The following CCDC69 variants were observed in gnomAD, a reference collection of about 807,000 sequenced individuals.
CCDC69 encodes coiled-coil domain-containing protein 69.
A neutral mutation model predicts 40.3 loss-of-function variants in CCDC69; 38 were observed. The observed-to-expected ratio is 0.94, with a 90% CI of 0.73 to 1.24. The LOEUF is 1.24. Ranked by LOEUF, CCDC69 falls within the 50% of genes most tolerant of loss-of-function variation. The pLI is 0.00. For missense variants in CCDC69, 389 were observed against 357.9 expected (o/e 1.09, Z -0.70); for synonymous variants, 141 against 138.9 (o/e 1.02, Z -0.11).
intron 4 of CCDC69, among the ~76,000 whole-genome samples, chr5:151,194,873 C>T (rs1190205638): frequency 8.5e-6 from 1 of 117,310 alleles, no homozygotes; most frequent in Non-Finnish European, 1.6e-5. Context: ...GCCTGGGTGA[C>T]AGGGCGAGCC....
Position 151,223,911 on chromosome 5 carries a change from G to A in CCDC69, c.48+12C>T, listed in dbSNP as rs773666576. ...TCCTCTGAAAGCAAACTTCTCCGCC[G>A]GCGCCCTTTACCTTTTTCGGGGGTT... On this transcript the variant is annotated intron_variant, in intron 1 of 8. Transcript: ENST00000355417. 36 of 1,588,076 alleles carry A rather than the reference G, an allele frequency of 2.3e-5. No homozygotes were observed. The highest frequency in any genetic ancestry group is 2.8e-5 in the Non-Finnish European group (33 of 1,169,032).
At chr5:151,190,116 GGAAACTT>G (rs1299777443) in intron 4 of CCDC69, among the ~76,000 whole-genome samples, 4 of 152,250 alleles carry the variant, frequency 2.6e-5, no homozygotes, top group East Asian at 3.9e-4. Flanking sequence ...GAAACCAGAG[GGAAACTT>G]GAAACTTGAA....
chr5:151,217,682 T>C (rs967546644), intron 1 of CCDC69, among the ~76,000 whole-genome samples: 3 of 152,210 alleles, frequency 2.0e-5, no homozygotes, highest in African/African-American at 4.8e-5. Context: ...CTTCATTCCC[T>C]GCTCTTCTCC....
At chr5:151,211,690 A>C (rs1009533549) in intron 1 of CCDC69, among the ~76,000 whole-genome samples, 1 of 151,808 alleles carries the variant, frequency 6.6e-6, no homozygotes, top group African/African-American at 2.4e-5. Context: ...CACCAGGCTA[A>C]TTTTTGTATT....
Position 151,205,399 on chromosome 5 carries a change from C to T in CCDC69, c.124+1G>A, listed in dbSNP as rs1429621259. ...GGGCCTTTGTGGGGCTGGCTACTCA[C>T]CTGTGTCCCCATTGAGGGGACCTAA... is the stretch of plus-strand genomic sequence containing the variant. On this transcript the variant is annotated splice_donor_variant, in intron 2 of 8. Transcript: ENST00000355417. LOFTEE classifies it high-confidence loss of function. 6.2e-7 allele frequency: 1 copy of T among 1,613,252 alleles called. No individual in the cohort carries two copies. Among genetic ancestry groups the T allele is most frequent in the Non-Finnish European group, 8.5e-7 (1 of 1,179,196 alleles).
In CCDC69 at chr5:151,185,497, G is replaced by A; in HGVS notation, c.540C>T (p.Ser180=). ...PSQFWEQELE[S]LHFVIEMKNE... is the part of the protein sequence containing the mutation. ...TCTTCATCTCGATGACAAAGTGTAA[G>A]CTCTCCAGCTCCTGCTCCCAGAACT... The change falls in exon 7 of 9, where the codon AGC becomes AGT. Residue 180 remains serine, a synonymous_variant. Coordinates refer to ENST00000355417, the MANE Select transcript of CCDC69 (RefSeq NM_015621.3). 6.2e-7 allele frequency: 1 copy of A among 1,614,018 alleles called. No individual in the cohort carries two copies. The highest frequency in any genetic ancestry group is 8.5e-7 in the Non-Finnish European group (1 of 1,179,926).
chr5:151,186,148 A>G, intron 5 of CCDC69, 24 bp from the exon 6 acceptor site: 4 of 1,516,068 alleles, frequency 2.6e-6, no homozygotes, highest in Non-Finnish European at 2.8e-6. Context: ...TGGGATGGAG[A>G]CAATCAAAGC....
intron 1 of CCDC69, among the ~76,000 whole-genome samples, chr5:151,209,879 C>T (rs1752905686): frequency 6.6e-6 from 1 of 152,144 alleles, no homozygotes; most frequent in Non-Finnish European, 1.5e-5. Flanking sequence ...GGTACCCAGC[C>T]TCAATTTCTT....
At chr5:151,193,507 T>A (rs1359900164) in intron 4 of CCDC69, among the ~76,000 whole-genome samples, 3 of 150,362 alleles carry the variant, frequency 2.0e-5, no homozygotes, top group Non-Finnish European at 4.4e-5. Flanking sequence ...CAGAGTGACA[T>A]CCTGTTGGAA....
At chr5:151,223,830 C>A in intron 1 of CCDC69, 93 bp downstream of exon 1, 5 of 1,306,580 alleles carry the variant, frequency 3.8e-6, no homozygotes, top group African/African-American at 1.5e-5. Flanking sequence ...CCGGGCCGAC[C>A]AGAGAGAGCC....
chr5:151,183,233 G>A lies in CCDC69; in HGVS notation c.*204C>T, dbSNP rs776197630. On this transcript the variant is annotated 3_prime_UTR_variant, in exon 9 of 9. Transcript: ENST00000355417. ...TCCCTTGGCCAACTCAAGGGAAGAC[G>A]CTTCTCGGGGCCTCCAAAACCCTGT... is the stretch of plus-strand genomic sequence containing the variant. 15 of 706,622 alleles carry A rather than the reference G, an allele frequency of 2.1e-5. No homozygotes were observed. The highest frequency in any genetic ancestry group is 7.5e-5 in the South Asian group (5 of 66,844). 43.8% of individuals were successfully genotyped at this position (706,622 alleles called of 1,614,324 possible). A position where few individuals can be genotyped will look rare whatever the true frequency, so the allele number is the denominator to read the frequency against.
intron 3 of CCDC69, 109 bp from the exon 4 acceptor site, chr5:151,199,193 T>C: frequency 1.2e-6 from 1 of 838,362 alleles, no homozygotes; most frequent in Non-Finnish European, 2.0e-6. Flanking sequence ...GTCCTAACCC[T>C]TCCTCTGAGG....
intron 5 of CCDC69, 80 bp from the exon 6 acceptor site, chr5:151,186,204 A>G: frequency 1.0e-6 from 1 of 980,220 alleles, no homozygotes; most frequent in Admixed American, 1.7e-5. Context: ...TCCCAGAGGG[A>G]GAACGGTTTT....
intron 1 of CCDC69, 26 bp downstream of exon 1, chr5:151,223,894 AAGC>A: frequency 6.3e-7 from 1 of 1,589,676 alleles, no homozygotes; most frequent in Non-Finnish European, 8.6e-7. Context: ...TCTCCTCTGA[AAGC>A]AAACTTCTCC....
intron 2 of CCDC69, among the ~76,000 whole-genome samples, chr5:151,201,991 T>A (rs1276343884): frequency 1.3e-5 from 2 of 151,976 alleles, no homozygotes; most frequent in Non-Finnish European, 2.9e-5. Context: ...GACTTGGAGA[T>A]CCTCTTTCAA....
chr5:151,200,897 CTT>C (rs1752766432), intron 3 of CCDC69, among the ~76,000 whole-genome samples: 1 of 152,212 alleles, frequency 6.6e-6, no homozygotes, highest in African/African-American at 2.4e-5. Context: ...GCACTGTAAA[CTT>C]TTCATAGCAC....
In CCDC69 at chr5:151,182,564, C is replaced by T. The variant is rs984233505; in HGVS notation, c.*873G>A. The T allele has an allele frequency of 5.5e-5, 9 of 162,872 alleles. No homozygotes were observed. The highest frequency in any genetic ancestry group is 1.1e-4 in the Admixed American group (2 of 17,674). The allele number at this position is 162,872 out of a possible 1,614,324, so 10.1% of individuals were successfully genotyped here. A position where few individuals can be genotyped will look rare whatever the true frequency, so the allele number is the denominator to read the frequency against. Reference sequence around the variant, plus strand: ...CCGGATGACAGATGAGATCTAGATTCGACTCTGGGAACTGCTCCATGCCTT... The same window carrying T: ...CCGGATGACAGATGAGATCTAGATTTGACTCTGGGAACTGCTCCATGCCTT... On this transcript the variant is annotated 3_prime_UTR_variant, in exon 9 of 9. Transcript: ENST00000355417.
At position 151,218,909 on chromosome 5, in the gene CCDC69, A is replaced by G. The variant is rs572466483; in HGVS notation, c.48+5014T>C. Among the ~76,000 whole-genome samples, 63 of 152,268 alleles carry G rather than the reference A, an allele frequency of 4.1e-4. 1 individual carries two copies. The highest frequency in any genetic ancestry group is 3.9e-3 in the Admixed American group (59 of 15,296). On this transcript the variant is annotated intron_variant, in intron 1 of 8. Transcript: ENST00000355417. ...CATGTACATGTGCAGAAAATATATC[A>G]CCAAAGGTTGTATCTCAAAGGCAGA... is the stretch of plus-strand genomic sequence containing the variant.
At chr5:151,190,062 A>G (rs1752584965) in intron 4 of CCDC69, among the ~76,000 whole-genome samples, 1 of 152,238 alleles carries the variant, frequency 6.6e-6, no homozygotes, top group African/African-American at 2.4e-5. Context: ...ATTCATCACC[A>G]GCAAACCTGC....
Sources: allele counts gnomAD v4.1 joint callset (sites outside exome capture counted in the v4.1 genomes callset), GRCh38; gene constraint gnomAD v4.1.1; transcripts MANE v1.5; gene names NCBI Gene and HGNC (gene_info 2026-07-23, HGNC 2026-07-21).